The following UXS1 variants were observed in gnomAD, a reference collection of about 807,000 sequenced individuals.
UXS1 encodes UDP-glucuronic acid decarboxylase 1.
A neutral mutation model predicts 62.6 loss-of-function variants in UXS1; 33 were observed. That is an observed-to-expected ratio of 0.53 (90% CI 0.40 to 0.70). UXS1 has a LOEUF of 0.70. UXS1 is among the 30% of genes least tolerant of loss of function. UXS1 has a pLI of 0.00. For synonymous variants in UXS1, 213 were observed against 206.8 expected (o/e 1.03, Z -0.26); for missense variants, 434 against 556.3 (o/e 0.78, Z 2.21).
intron 9 of UXS1, among the ~76,000 whole-genome samples, chr2:106,120,130 C>A (rs1679401862): frequency 6.6e-6 from 1 of 152,194 alleles, no homozygotes; most frequent in Non-Finnish European, 1.5e-5. Context: ...CCCAGAGGGG[C>A]TTGTGGCCTT....
chr2:106,176,726 TAA>T (rs972813108), intron 1 of UXS1, among the ~76,000 whole-genome samples: 1 of 152,130 alleles, frequency 6.6e-6, no homozygotes, highest in Non-Finnish European at 1.5e-5. Flanking sequence ...GTGGCCCAAA[TAA>T]AAAGTCAATC....
Position 106,120,388 on chromosome 2 carries a change from C to T in UXS1, c.759+2582G>A, listed in dbSNP as rs532280738. On this transcript the variant is annotated intron_variant, in intron 9 of 14. Transcript: ENST00000283148. ...CCCAGGACCCCTAGGGTCAAGGGCA[C>T]GGTCCTCCCTGACATAATGACTGCA... Among the ~76,000 whole-genome samples, 6 of 152,278 alleles carry T rather than the reference C, an allele frequency of 3.9e-5. No individual in the cohort carries two copies. The East Asian group carries it at 5.8e-4, about 15-fold the overall frequency.
chr2:106,099,730 G>A (rs1677430674), intron 12 of UXS1, among the ~76,000 whole-genome samples: 1 of 152,178 alleles, frequency 6.6e-6, no homozygotes, highest in Non-Finnish European at 1.5e-5. Flanking sequence ...CAACAAAAAC[G>A]CAGAGCAGGG....
chr2:106,170,247 G>A (rs1388223114), intron 1 of UXS1, among the ~76,000 whole-genome samples: 3 of 152,066 alleles, frequency 2.0e-5, no homozygotes, highest in Non-Finnish European at 4.4e-5. Flanking sequence ...TAGTGTCCTG[G>A]GCACCTGCAC....
intron 1 of UXS1, among the ~76,000 whole-genome samples, chr2:106,169,439 G>A (rs557073460): frequency 9.2e-5 from 14 of 152,262 alleles, no homozygotes; most frequent in African/African-American, 3.4e-4. Context: ...GCTTGTGCCT[G>A]TAATCCTAAT....
At chr2:106,149,992 T>C (rs1414735681) in intron 5 of UXS1, among the ~76,000 whole-genome samples, 1 of 152,144 alleles carries the variant, frequency 6.6e-6, no homozygotes, top group Admixed American at 6.5e-5. Context: ...ATGAGGAACA[T>C]ACCACTGGAA....
chr2:106,143,572 A>ACAGGAC (rs1397839498), intron 6 of UXS1, among the ~76,000 whole-genome samples: 1 of 152,212 alleles, frequency 6.6e-6, no homozygotes, highest in East Asian at 1.9e-4. Context: ...TGACAGGTCT[A>ACAGGAC]CAGGACCGGG....
intron 12 of UXS1, 120 bp downstream of exon 12, chr2:106,100,938 C>T: frequency 7.9e-7 from 1 of 1,271,686 alleles, no homozygotes; most frequent in Non-Finnish European, 1.1e-6. Flanking sequence ...TAGCAAGCAA[C>T]AAACACAAAT....
At chr2:106,146,354 T>C (rs140719402) in intron 5 of UXS1, among the ~76,000 whole-genome samples, 41 of 152,356 alleles carry the variant, frequency 2.7e-4, no homozygotes, top group African/African-American at 9.4e-4. Flanking sequence ...AGCAATCCTT[T>C]CTACCTAAAA....
At chr2:106,169,675 G>T (rs924934142) in intron 1 of UXS1, among the ~76,000 whole-genome samples, 3 of 152,118 alleles carry the variant, frequency 2.0e-5, no homozygotes, top group African/African-American at 7.2e-5. Flanking sequence ...TGACAAAAGT[G>T]AGACCCTGTC....
At chr2:106,138,114 G>A in intron 6 of UXS1, 1 of 939,748 alleles carries the variant, frequency 1.1e-6, no homozygotes, top group Non-Finnish European at 1.3e-6. Flanking sequence ...GAAGAAGTGT[G>A]CCTTGAGAGT....
chr2:106,186,457 T>TATATACAC (rs375660148), intron 1 of UXS1, among the ~76,000 whole-genome samples: 14 of 148,694 alleles, frequency 9.4e-5, no homozygotes, highest in South Asian at 4.3e-4. Context: ...TATATATATA[T>TATATACAC]ACACACACAC....
chr2:106,144,492 C>A (rs1282639028), intron 6 of UXS1, among the ~76,000 whole-genome samples: 1 of 152,058 alleles, frequency 6.6e-6, no homozygotes, highest in African/African-American at 2.4e-5. Flanking sequence ...AATACAAGCC[C>A]AACAGTTAAC....
chr2:106,097,079 T>A, intron 13 of UXS1: 1 of 600,672 alleles, frequency 1.7e-6, no homozygotes, highest in Non-Finnish European at 3.1e-6. Context: ...CAGGTTATTC[T>A]GTCTCAACAG....
In UXS1 at chr2:106,096,991, G is replaced by C. The variant is rs141350456; in HGVS notation, c.1043-170C>G. ...AGCTCCCGAGGGACTGTTCTGCGTG[G>C]AAGTCCAGGGAGTGCTCCTGCAACT... On this transcript the variant is annotated intron_variant, in intron 13 of 14. Coordinates refer to ENST00000283148, the MANE Select transcript of UXS1 (RefSeq NM_001253875.2). 895 of 739,148 alleles carry C rather than the reference G, an allele frequency of 1.2e-3. 6 individuals are homozygous for C. In the Middle Eastern group the frequency reaches 0.021, roughly 17 times the overall value. The allele number at this position is 739,148 out of a possible 1,614,324, so 45.8% of individuals were successfully genotyped here.
intron 1 of UXS1, among the ~76,000 whole-genome samples, chr2:106,192,306 G>A (rs1304324228): frequency 3.3e-5 from 5 of 152,218 alleles, no homozygotes; most frequent in Non-Finnish European, 7.3e-5. Context: ...TGTAATCCCA[G>A]CACTTTGGGA....
intron 4 of UXS1, among the ~76,000 whole-genome samples, chr2:106,161,065 A>G (rs2105050699): frequency 6.6e-6 from 1 of 152,338 alleles, no homozygotes; most frequent in African/African-American, 2.4e-5. Context: ...GTGACAGAGC[A>G]CAGTGACTGA....
At chr2:106,097,948 C>T (rs1450410245) in intron 13 of UXS1, among the ~76,000 whole-genome samples, 1 of 152,238 alleles carries the variant, frequency 6.6e-6, no homozygotes, top group African/African-American at 2.4e-5. Context: ...GTCGATTAGA[C>T]CAATGCCGAT....
intron 4 of UXS1, chr2:106,159,095 T>G (rs1209217058): frequency 6.6e-6 from 1 of 152,216 alleles, no homozygotes; most frequent in East Asian, 1.9e-4. Context: ...ACCTCGCCCA[T>G]TCTCACACGT....
Sources: allele counts gnomAD v4.1 joint callset (sites outside exome capture counted in the v4.1 genomes callset), GRCh38; gene constraint gnomAD v4.1.1; transcripts MANE v1.5; gene names NCBI Gene and HGNC (gene_info 2026-07-23, HGNC 2026-07-21).